Variants in GRK5 observed in about 807,000 individuals in gnomAD.
GRK5 encodes G protein-coupled receptor kinase 5.
A neutral mutation model predicts 78.4 loss-of-function variants in GRK5; 40 were observed. The observed-to-expected ratio is 0.51, with a 90% confidence interval of 0.40 to 0.66. The LOEUF (loss-of-function observed/expected upper bound fraction) is 0.66. Ranked by LOEUF, GRK5 falls within the 30% of genes least tolerant of loss-of-function variation. The pLI, the probability that GRK5 is intolerant of heterozygous loss-of-function variation, is 0.00. For synonymous variants in GRK5, 289 were observed against 296.8 expected (o/e 0.97, Z 0.27); for missense variants, 598 against 759.9 (o/e 0.79, Z 2.50).
chr10:119,281,309 G>C, intron 1 of GRK5, among the ~76,000 whole-genome samples: 1 of 151,888 alleles, frequency 6.6e-6, no homozygotes, highest in Middle Eastern at 3.4e-3. Flanking sequence ...TGCTCCTCCC[G>C]GCTGCTCCCA....
At chr10:119,305,637 T>G (rs953855998) in intron 1 of GRK5, among the ~76,000 whole-genome samples, 6 of 152,172 alleles carry the variant, frequency 3.9e-5, no homozygotes, top group Non-Finnish European at 8.8e-5. Context: ...ACCTGAGGAC[T>G]TGGCCGGGTG....
At position 119,443,471 on chromosome 10, in the gene GRK5, C is replaced by G. The variant is rs905722681; in HGVS notation, c.1058-73C>G. ...AAGAGTTGGTGGCGGCCATGAAACT[C>G]CAGGCCTTCTGTGAGCAGCGCCACC... On this transcript the variant is annotated intron_variant, in intron 11 of 15. Coordinates refer to ENST00000392870, the MANE Select transcript of GRK5 (RefSeq NM_005308.3). 7.8e-6 allele frequency: 11 copies of G among 1,404,942 alleles called. No individual in the cohort carries two copies. The East Asian group carries it at 2.1e-4, about 27-fold the overall frequency. The allele number at this position is 1,404,942 out of a possible 1,614,324, so 87.0% of individuals were successfully genotyped here.
At chr10:119,346,902 G>A (rs112485945) in intron 2 of GRK5, among the ~76,000 whole-genome samples, 2,830 of 152,312 alleles carry the variant, frequency 0.019, 102 homozygotes, top group African/African-American at 0.064. Context: ...CCCGTGTGGA[G>A]GGTATTGCAT....
At chr10:119,239,237 T>G (rs1227120333) in intron 1 of GRK5, among the ~76,000 whole-genome samples, 1 of 131,162 alleles carries the variant, frequency 7.6e-6, no homozygotes, top group East Asian at 2.1e-4. Flanking sequence ...GAGCAGAAGG[T>G]TTTTTTTTTT....
chr10:119,274,260 C>T (rs577576617), intron 1 of GRK5, among the ~76,000 whole-genome samples: 1 of 152,222 alleles, frequency 6.6e-6, no homozygotes, highest in Admixed American at 6.5e-5. Context: ...TGTGGTTTCC[C>T]TCATGGTACA....
chr10:119,259,582 C>T (rs902365149), intron 1 of GRK5, among the ~76,000 whole-genome samples: 1 of 152,328 alleles, frequency 6.6e-6, no homozygotes, highest in Admixed American at 6.5e-5. Context: ...TCATTGTTGG[C>T]TGCCCTTGGG....
intron 9 of GRK5, 70 bp downstream of exon 9, chr10:119,436,911 G>T: frequency 7.1e-7 from 1 of 1,409,798 alleles, no homozygotes; most frequent in Non-Finnish European, 9.6e-7. Context: ...CCACACCCTC[G>T]GGCAGGTGGT....
chr10:119,323,637 A>C (rs1053945721), intron 1 of GRK5, among the ~76,000 whole-genome samples: 3 of 152,134 alleles, frequency 2.0e-5, no homozygotes, highest in African/African-American at 7.2e-5. Flanking sequence ...GATTCTTGCC[A>C]TGTGGGGTGC....
At chr10:119,302,851 C>T (rs1447567651) in intron 1 of GRK5, among the ~76,000 whole-genome samples, 2 of 152,132 alleles carry the variant, frequency 1.3e-5, no homozygotes, top group Admixed American at 1.3e-4. Context: ...AGCTTCTGTC[C>T]CCACGTGACC....
chr10:119,302,543 C>G (rs1326292099), intron 1 of GRK5, among the ~76,000 whole-genome samples: 1 of 152,158 alleles, frequency 6.6e-6, no homozygotes, highest in Non-Finnish European at 1.5e-5. Context: ...GGGCTGGGGC[C>G]TCTGGAGAGT....
chr10:119,291,966 C>G (rs1316122076), intron 1 of GRK5, among the ~76,000 whole-genome samples: 1 of 29,962 alleles, frequency 3.3e-5, no homozygotes, highest in African/African-American at 1.1e-4. Flanking sequence ...CCTCCTCTTC[C>G]TCCTTCTCCT....
intron 1 of GRK5, among the ~76,000 whole-genome samples, chr10:119,219,897 G>A (rs183383228): frequency 2.6e-4 from 39 of 152,282 alleles, no homozygotes; most frequent in Non-Finnish European, 4.3e-4. Context: ...TTCGATGTGA[G>A]CTTCACATGC....
intron 1 of GRK5, among the ~76,000 whole-genome samples, chr10:119,269,137 A>G (rs999853792): frequency 6.6e-6 from 1 of 152,384 alleles, no homozygotes; most frequent in South Asian, 2.1e-4. Flanking sequence ...GTTCTCTAAC[A>G]GAAACATAGA....
intron 1 of GRK5, among the ~76,000 whole-genome samples, chr10:119,304,337 T>C (rs1850237108): frequency 7.2e-6 from 1 of 138,762 alleles, no homozygotes; most frequent in South Asian, 2.3e-4. Flanking sequence ...TTGCCCAGGC[T>C]GGAGTGCAGT....
intron 4 of GRK5, among the ~76,000 whole-genome samples, chr10:119,404,399 T>A (rs1055831330): frequency 2.6e-5 from 4 of 152,264 alleles, no homozygotes; most frequent in African/African-American, 9.6e-5. Context: ...GTTCTTCATA[T>A]GTTCAGGATA....
At position 119,207,838 on chromosome 10, in the gene GRK5, G is replaced by GAGCAGCGGCAGC. The variant is rs1034448133; in HGVS notation, c.-66_-55dup. 9.4e-6 allele frequency: 13 copies of GAGCAGCGGCAGC among 1,380,990 alleles called. No individual in the cohort carries two copies. The highest frequency in any genetic ancestry group is 7.8e-5 in the South Asian group (6 of 76,826). 85.5% of individuals were successfully genotyped at this position (1,380,990 alleles called of 1,614,324 possible). A position where few individuals can be genotyped will look rare whatever the true frequency, so the allele number is the denominator to read the frequency against. ...GCTCCGGCAGCAGCGGCGGCAGCCC[G>GAGCAGCGGCAGC]AGCAGCGGCAGCAGCAGCGGCAGCA... is the stretch of plus-strand genomic sequence containing the variant. On this transcript the variant is annotated 5_prime_UTR_variant, in exon 1 of 16. Coordinates refer to ENST00000392870, the MANE Select transcript of GRK5 (RefSeq NM_005308.3).
chr10:119,393,957 GGGTGTCTGTGTGTA>G (rs1189314103), intron 3 of GRK5, among the ~76,000 whole-genome samples: 1 of 147,996 alleles, frequency 6.8e-6, no homozygotes, highest in African/African-American at 2.5e-5. Flanking sequence ...GTTTGTGTGT[GGGTGTCTGTGTGTA>G]GGTGTGTGTG....
chr10:119,327,660 C>G, intron 2 of GRK5, among the ~76,000 whole-genome samples: 1 of 152,196 alleles, frequency 6.6e-6, no homozygotes, highest in East Asian at 1.9e-4. Context: ...TCTGTCCCCA[C>G]CAGTTTCCAG....
At chr10:119,298,136 C>T (rs577996949) in intron 1 of GRK5, among the ~76,000 whole-genome samples, 5 of 152,314 alleles carry the variant, frequency 3.3e-5, no homozygotes, top group African/African-American at 9.6e-5. Flanking sequence ...ATGTGCTATG[C>T]TCAGCACTGT....
Sources: allele counts gnomAD v4.1 joint callset (sites outside exome capture counted in the v4.1 genomes callset), GRCh38; gene constraint gnomAD v4.1.1; transcripts MANE v1.5; gene names NCBI Gene and HGNC (gene_info 2026-07-23, HGNC 2026-07-21).